The following SOHLH2 variants were observed in gnomAD, a reference collection of about 807,000 sequenced individuals.
SOHLH2 encodes the protein spermatogenesis- and oogenesis-specific basic helix-loop-helix-containing protein 2.
In SOHLH2, 22 loss-of-function variants were observed where a neutral mutation model predicts 50.4. The observed-to-expected ratio is 0.44, with a 90% CI of 0.31 to 0.62. SOHLH2 has a LOEUF of 0.62. SOHLH2 is among the 20% of genes least tolerant of loss of function. The pLI is 0.08. For missense variants in SOHLH2, 412 were observed against 504.4 expected (o/e 0.82, Z 1.76); for synonymous variants, 185 against 187.3 (o/e 0.99, Z 0.10).
intron 1 of SOHLH2, among the ~76,000 whole-genome samples, chr13:36,209,096 A>T (rs9546679): frequency 0.78 from 117,992 of 152,032 alleles, 45,958 homozygotes; most frequent in East Asian, 1. Context: ...AAATCTTCTA[A>T]GAGATGCTGG....
chr13:36,199,169 C>T (rs1394050979), intron 2 of SOHLH2, among the ~76,000 whole-genome samples: 1 of 152,100 alleles, frequency 6.6e-6, no homozygotes, highest in Non-Finnish European at 1.5e-5. Flanking sequence ...ATAAGAAAAA[C>T]TATAGGTTGA....
chr13:36,177,346 T>C (rs964856929), intron 6 of SOHLH2, among the ~76,000 whole-genome samples: 2 of 152,124 alleles, frequency 1.3e-5, no homozygotes, highest in African/African-American at 2.4e-5. Context: ...CTTGGGCTGT[T>C]ACCAGTTTTG....
intron 1 of SOHLH2, among the ~76,000 whole-genome samples, chr13:36,204,381 T>C (rs971211598): frequency 2.0e-5 from 3 of 152,374 alleles, no homozygotes; most frequent in South Asian, 2.1e-4. Context: ...TGTTAAAATA[T>C]GCTTTGGTAG....
At chr13:36,188,058 C>T (rs1422194351) in intron 6 of SOHLH2, among the ~76,000 whole-genome samples, 1 of 152,148 alleles carries the variant, frequency 6.6e-6, no homozygotes, top group Non-Finnish European at 1.5e-5. Context: ...ACTAAAACTA[C>T]TCTGCTGGAA....
At chr13:36,170,955 G>A (rs890754165) in intron 9 of SOHLH2, among the ~76,000 whole-genome samples, 168 bp from the exon 10 acceptor site, 2 of 152,126 alleles carry the variant, frequency 1.3e-5, no homozygotes, top group Non-Finnish European at 2.9e-5. Flanking sequence ...TTCTAATTGT[G>A]ACATTTAGTG....
intron 6 of SOHLH2, among the ~76,000 whole-genome samples, chr13:36,180,029 T>C (rs1365365786): frequency 6.6e-6 from 1 of 152,190 alleles, no homozygotes; most frequent in African/African-American, 2.4e-5. Flanking sequence ...ACCTGAGTGT[T>C]TTCTCTTTGG....
intron 2 of SOHLH2, among the ~76,000 whole-genome samples, chr13:36,199,240 G>T (rs78499026): frequency 0.013 from 2,011 of 152,206 alleles, 41 homozygotes; most frequent in African/African-American, 0.046. Context: ...AATTCTGAGG[G>T]CAGGAAAGGC....
At chr13:36,183,759 A>G (rs1887324304) in intron 6 of SOHLH2, among the ~76,000 whole-genome samples, 1 of 152,204 alleles carries the variant, frequency 6.6e-6, no homozygotes. Flanking sequence ...ACTAATCACA[A>G]GAAAGCTATA....
intron 6 of SOHLH2, among the ~76,000 whole-genome samples, chr13:36,177,650 T>C (rs1344632510): frequency 6.6e-6 from 1 of 152,118 alleles, no homozygotes; most frequent in African/African-American, 2.4e-5. Context: ...TAATCTGCAT[T>C]TCCCTGACAG....
chr13:36,212,497 A>G (rs1274174933), intron 1 of SOHLH2, among the ~76,000 whole-genome samples: 5 of 152,254 alleles, frequency 3.3e-5, no homozygotes, highest in African/African-American at 1.2e-4. Flanking sequence ...AGGCGATAAA[A>G]AAGATCTATT....
Position 36,174,780 on chromosome 13 carries a change from G to A in SOHLH2, c.731C>T (p.Ala244Val). The stretch of plus-strand genomic sequence containing the variant: ...GATATATTTCACATAATCAACTGTT[G>A]CCTCAAGAACTGAAGCCGCATCATT... ...RKNDAASVLE[A>V]TVDYVKYIRE... The change falls in exon 7 of 11, where the codon GCA (alanine) becomes GTA (valine). Residue 244 changes from alanine to valine, a missense_variant. Ala to Val is a moderately conservative substitution (Grantham distance 64, BLOSUM62 0). Transcript: ENST00000379881. 1 of 1,612,620 alleles carries A rather than the reference G, an allele frequency of 6.2e-7. No individual in the cohort carries two copies. The highest frequency in any genetic ancestry group is 8.5e-7 in the Non-Finnish European group (1 of 1,179,618).
rs980427135 is a variant in SOHLH2 at position 36,193,733 on chromosome 13, T to C, written c.326-8A>G. 1.2e-6 allele frequency: 2 copies of C among 1,607,766 alleles called. No homozygotes were observed. The highest frequency in any genetic ancestry group is 1.7e-5 in the Admixed American group (1 of 58,604). ...CATGCCCTGAAATACAACCTAAGAA[T>C]CTTTATATTAAATATTGACCTTATA... is the stretch of plus-strand genomic sequence containing the variant. On this transcript the variant is annotated splice_polypyrimidine_tract_variant and splice_region_variant and intron_variant, in intron 3 of 10. Transcript: ENST00000379881.
At chr13:36,210,540 A>C (rs1283829588) in intron 1 of SOHLH2, among the ~76,000 whole-genome samples, 1 of 151,928 alleles carries the variant, frequency 6.6e-6, no homozygotes, top group Non-Finnish European at 1.5e-5. Context: ...TTGATCTTTT[A>C]ATTTGGAATA....
At chr13:36,214,040 ATTT>A (rs774440035) in intron 1 of SOHLH2, among the ~76,000 whole-genome samples, 51 of 139,578 alleles carry the variant, frequency 3.7e-4, no homozygotes, top group African/African-American at 1.0e-3. Flanking sequence ...AAGGGCTAAG[ATTT>A]TTTTTTTTTT....
At chr13:36,171,974 G>T (rs1346275320) in intron 9 of SOHLH2, among the ~76,000 whole-genome samples, 1 of 152,088 alleles carries the variant, frequency 6.6e-6, no homozygotes, top group Non-Finnish European at 1.5e-5. Context: ...AAATGAACAC[G>T]GTGATTATCT....
chr13:36,212,682 T>C (rs974785993), intron 1 of SOHLH2, among the ~76,000 whole-genome samples: 1 of 152,202 alleles, frequency 6.6e-6, no homozygotes, highest in African/African-American at 2.4e-5. Context: ...GAAAGTAACA[T>C]GTATTCACTG....
chr13:36,191,527 T>C (rs1368365137), intron 5 of SOHLH2, among the ~76,000 whole-genome samples: 1 of 152,194 alleles, frequency 6.6e-6, no homozygotes, highest in Non-Finnish European at 1.5e-5. Flanking sequence ...TTAACTTTGC[T>C]TAGTGATAAC....
At chr13:36,200,213 T>C (rs1219014742) in intron 2 of SOHLH2, among the ~76,000 whole-genome samples, 1 of 152,226 alleles carries the variant, frequency 6.6e-6, no homozygotes, top group Non-Finnish European at 1.5e-5. Context: ...AGTATTATGA[T>C]GAGTTCCCAG....
At chr13:36,173,010 T>G (rs1255052137) in intron 9 of SOHLH2, among the ~76,000 whole-genome samples, 8 of 116,694 alleles carry the variant, frequency 6.9e-5, no homozygotes, top group Non-Finnish European at 1.8e-4. Context: ...TTATTTCAGG[T>G]ACACGGGCAT....
Sources: gnomAD v4.1 joint callset for allele counts (sites outside exome capture counted in the v4.1 genomes callset) on GRCh38, gnomAD v4.1.1 for gene constraint, MANE v1.5 for transcripts, NCBI Gene and HGNC (gene_info 2026-07-23, HGNC 2026-07-21) for gene names.